Variants in DLGAP2 observed in about 807,000 individuals in gnomAD.
DLGAP2 encodes disks large-associated protein 2.
Under a neutral mutation model 100.3 loss-of-function variants are expected in DLGAP2, and 26 were observed. The ratio of observed to expected loss-of-function variants is 0.26; its 90% confidence interval spans 0.19 to 0.36. The LOEUF is 0.36. DLGAP2 is among the 10% of genes least tolerant of loss of function. The pLI, the probability that DLGAP2 is intolerant of heterozygous loss-of-function variation, is 1.00. For missense variants in DLGAP2, 1,858 were observed against 1,453.2 expected, an observed-to-expected ratio of 1.28 and a Z score of -4.53; for synonymous variants, 886 against 630.1, an observed-to-expected ratio of 1.41 and a Z score of -6.08.
At position 1,472,132 on chromosome 8, in the gene DLGAP2, C is replaced by T. The variant is rs141828607; in HGVS notation, c.107-29234C>T. On this transcript the variant is annotated intron_variant, in intron 3 of 14. Transcript: ENST00000637795. ...AACAAGTGCCCCTCCACAGTGAGAA[C>T]GCAGAGCAGGACATGCAGAGCTCAG... Among the ~76,000 whole-genome samples the T allele has an allele frequency of 7.2e-5, 11 of 152,314 alleles. No homozygotes were observed. The East Asian group carries it at 1.9e-3, about 27-fold the overall frequency.
intron 2 of DLGAP2, among the ~76,000 whole-genome samples, chr8:1,190,563 A>G (rs1319322262): frequency 6.6e-6 from 1 of 151,958 alleles, no homozygotes; most frequent in African/African-American, 2.4e-5. Flanking sequence ...TTCTCATCTC[A>G]CAGGGCACTG....
At chr8:847,993 T>A (rs760634926) in intron 1 of DLGAP2, among the ~76,000 whole-genome samples, 2 of 152,222 alleles carry the variant, frequency 1.3e-5, no homozygotes, top group African/African-American at 2.4e-5. Context: ...TAAACACTTC[T>A]GCTAAGATCT....
intron 1 of DLGAP2, among the ~76,000 whole-genome samples, chr8:828,837 C>G (rs1054496271): frequency 1.3e-5 from 2 of 152,236 alleles, no homozygotes; most frequent in African/African-American, 2.4e-5. Flanking sequence ...TCTGCCATGG[C>G]TTCAGCCGGT....
At chr8:1,676,466 A>G in intron 10 of DLGAP2, 67 bp from the exon 11 acceptor site, 2 of 1,507,030 alleles carry the variant, frequency 1.3e-6, no homozygotes, top group Non-Finnish European at 1.8e-6. Flanking sequence ...CCACAACAAC[A>G]ACAAAATAGT....
intron 1 of DLGAP2, among the ~76,000 whole-genome samples, chr8:768,077 C>G (rs1421817496): frequency 6.6e-6 from 1 of 152,172 alleles, no homozygotes; most frequent in Non-Finnish European, 1.5e-5. Flanking sequence ...TTCCCCACTT[C>G]CCGTGGGCTT....
chr8:1,162,216 TGA>T (rs1290428881), intron 2 of DLGAP2, among the ~76,000 whole-genome samples: 1 of 152,228 alleles, frequency 6.6e-6, no homozygotes, highest in Non-Finnish European at 1.5e-5. Flanking sequence ...TCATCCATTT[TGA>T]ATGGAGAGTG....
chr8:825,764 C>T (rs774489629), intron 1 of DLGAP2, among the ~76,000 whole-genome samples: 5 of 152,126 alleles, frequency 3.3e-5, no homozygotes, highest in Admixed American at 6.6e-5. Context: ...TATTTTGATA[C>T]AGGCATGCAC....
intron 13 of DLGAP2, 33 bp downstream of exon 13, chr8:1,691,659 G>C (rs761884765): frequency 6.4e-7 from 1 of 1,551,920 alleles, no homozygotes; most frequent in Admixed American, 1.7e-5. Context: ...CCTGTTCCCT[G>C]TAACCAAGCT....
intron 1 of DLGAP2, among the ~76,000 whole-genome samples, chr8:749,156 A>G (rs1820726272): frequency 6.6e-6 from 1 of 152,072 alleles, no homozygotes; most frequent in Admixed American, 6.5e-5. Flanking sequence ...ACACCACCAC[A>G]CTTTTAATAT....
chr8:1,546,581 T>C (rs931500081), intron 4 of DLGAP2, among the ~76,000 whole-genome samples: 1 of 152,068 alleles, frequency 6.6e-6, no homozygotes, highest in African/African-American at 2.4e-5. Context: ...GCAGGGGATT[T>C]TGTTGTTGTT....
At chr8:921,875 C>G (rs577351203) in intron 2 of DLGAP2, among the ~76,000 whole-genome samples, 1 of 152,264 alleles carries the variant, frequency 6.6e-6, no homozygotes, top group Non-Finnish European at 1.5e-5. Context: ...TGAGAACGTG[C>G]ATCTTCCAGT....
At chr8:1,001,557 C>T (rs968286619) in intron 2 of DLGAP2, among the ~76,000 whole-genome samples, 1 of 152,068 alleles carries the variant, frequency 6.6e-6, no homozygotes, top group East Asian at 1.9e-4. Flanking sequence ...AAACCTCAAA[C>T]GAAAGTTACG....
chr8:1,009,003 G>C (rs1801201454), intron 2 of DLGAP2, among the ~76,000 whole-genome samples: 1 of 152,228 alleles, frequency 6.6e-6, no homozygotes, highest in Non-Finnish European at 1.5e-5. Context: ...TTCCTCGCAG[G>C]CCTCCAGTAC....
chr8:1,472,463 G>C (rs563650197), intron 3 of DLGAP2, among the ~76,000 whole-genome samples: 1 of 152,254 alleles, frequency 6.6e-6, no homozygotes, highest in South Asian at 2.1e-4. Flanking sequence ...TTCCAGAATT[G>C]CTTCCACTTT....
At chr8:1,497,183 G>T (rs190733344) in intron 3 of DLGAP2, among the ~76,000 whole-genome samples, 4 of 152,284 alleles carry the variant, frequency 2.6e-5, no homozygotes, top group African/African-American at 7.2e-5. Flanking sequence ...GCATTCCCAC[G>T]CGTGAATGGA....
chr8:1,074,621 A>G (rs1233350483), intron 2 of DLGAP2, among the ~76,000 whole-genome samples: 2 of 152,158 alleles, frequency 1.3e-5, no homozygotes, highest in Non-Finnish European at 2.9e-5. Context: ...ACAGACTTGC[A>G]AGGTGAAGAT....
intron 2 of DLGAP2, among the ~76,000 whole-genome samples, chr8:1,004,792 A>T (rs1404941662): frequency 6.6e-6 from 1 of 152,016 alleles, no homozygotes; most frequent in African/African-American, 2.4e-5. Context: ...TGGTGGAGAG[A>T]CCCCCGTGGC....
At position 1,623,832 on chromosome 8, in the gene DLGAP2, C is replaced by T. The variant is rs547057995; in HGVS notation, c.1443-2908C>T. On this transcript the variant is annotated intron_variant, in intron 6 of 14. Transcript: ENST00000637795. Reference sequence around the variant, plus strand: ...CACTTATTAGCATTTCTGGCGTAATCTTGCATAGAAAATGTTAGCTATTGT... The same window carrying T: ...CACTTATTAGCATTTCTGGCGTAATTTTGCATAGAAAATGTTAGCTATTGT... Among the ~76,000 whole-genome samples, 92 of 152,362 alleles carry T rather than the reference C, an allele frequency of 6.0e-4. 1 individual carries two copies. The highest frequency in any genetic ancestry group is 2.0e-3 in the African/African-American group (83 of 41,582).
intron 3 of DLGAP2, among the ~76,000 whole-genome samples, chr8:1,392,475 G>T (rs1796387703): frequency 6.6e-6 from 1 of 152,226 alleles, no homozygotes; most frequent in Non-Finnish European, 1.5e-5. Flanking sequence ...GACGCCGCGT[G>T]GTCCTTCTAA....
Sources: gnomAD v4.1 joint callset for allele counts (sites outside exome capture counted in the v4.1 genomes callset) on GRCh38, gnomAD v4.1.1 for gene constraint, MANE v1.5 for transcripts, NCBI Gene and HGNC (gene_info 2026-07-23, HGNC 2026-07-21) for gene names.